BMPR1B: variants seen among roughly 807,000 people sequenced by gnomAD.
BMPR1B encodes bone morphogenetic protein receptor type 1B.
Under a neutral mutation model 59.1 loss-of-function variants are expected in BMPR1B, and 12 were observed. That is an observed-to-expected ratio of 0.20 (90% confidence interval 0.13 to 0.33). The LOEUF is 0.33. Ranked by LOEUF, BMPR1B falls within the 10% of genes least tolerant of loss-of-function variation. BMPR1B has a pLI of 1.00. For missense variants in BMPR1B, 550 were observed against 610.9 expected (o/e 0.90, Z 1.05); for synonymous variants, 237 against 207.3 (o/e 1.14, Z -1.23).
intron 2 of BMPR1B, among the ~76,000 whole-genome samples, chr4:94,974,673 C>T (rs546082865): frequency 3.6e-4 from 54 of 151,934 alleles, no homozygotes; most frequent in South Asian, 1.2e-3. Flanking sequence ...TCTTTTTTTT[C>T]GCTAATTAGG....
intron 2 of BMPR1B, among the ~76,000 whole-genome samples, chr4:94,970,820 A>G (rs943637045): frequency 3.9e-5 from 6 of 152,176 alleles, no homozygotes; most frequent in African/African-American, 1.4e-4. Context: ...GCTATTATGA[A>G]ATATGCGATG....
intron 1 of BMPR1B, among the ~76,000 whole-genome samples, chr4:94,803,250 T>C (rs1403611998): frequency 6.6e-6 from 1 of 152,196 alleles, no homozygotes; most frequent in East Asian, 1.9e-4. Flanking sequence ...TTTATGGCAG[T>C]GATTTCCCTC....
chr4:94,997,399 C>T (rs545552065), intron 3 of BMPR1B, among the ~76,000 whole-genome samples: 130 of 152,226 alleles, frequency 8.5e-4, no homozygotes, highest in Non-Finnish European at 1.2e-3. Context: ...TAAGCCAGAT[C>T]TAAAACAACA....
At chr4:94,764,823 T>G (rs1231665595) in intron 1 of BMPR1B, among the ~76,000 whole-genome samples, 1 of 152,192 alleles carries the variant, frequency 6.6e-6, no homozygotes, top group Non-Finnish European at 1.5e-5. Context: ...TCTTTATAGA[T>G]TCACTGTTTA....
chr4:94,964,844 T>C (rs1376115887), intron 2 of BMPR1B, among the ~76,000 whole-genome samples: 1 of 152,154 alleles, frequency 6.6e-6, no homozygotes, highest in East Asian at 1.9e-4. Context: ...ACGCTTTCAG[T>C]GTTCCCTTCT....
At chr4:95,123,766 A>T in intron 6 of BMPR1B, 44 bp from the exon 7 acceptor site, 1 of 1,440,858 alleles carries the variant, frequency 6.9e-7, no homozygotes. Flanking sequence ...ATTTTTAAGT[A>T]AAAATATTCT....
chr4:94,831,312 A>G (rs1308379177), intron 1 of BMPR1B, among the ~76,000 whole-genome samples: 2 of 152,178 alleles, frequency 1.3e-5, no homozygotes, highest in African/African-American at 2.4e-5. Context: ...TAGCTGTACA[A>G]TGTGTTTGTG....
chr4:95,116,423 A>G (rs11730246), intron 6 of BMPR1B, among the ~76,000 whole-genome samples: 689 of 61,752 alleles, frequency 0.011, 2 homozygotes, highest in Middle Eastern at 0.039. Context: ...CAGCGCGCGC[A>G]CACACACACA....
chr4:94,943,144 T>A (rs1267042529), intron 2 of BMPR1B, among the ~76,000 whole-genome samples: 1 of 137,510 alleles, frequency 7.3e-6, no homozygotes, highest in Non-Finnish European at 1.6e-5. Context: ...CCACTCACTA[T>A]TTTTTTTTTT....
At position 95,091,396 on chromosome 4, in the gene BMPR1B, C is replaced by G. The variant is rs187667659; in HGVS notation, c.-17-13012C>G. ...TCATTGCTTGACCGGAATAATGTCT[C>G]TTGCCAGCTTATAATCAAAGGGACT... is the stretch of plus-strand genomic sequence containing the variant. On this transcript the variant is annotated intron_variant, in intron 3 of 12. Transcript: ENST00000515059. 5 of 913,288 alleles carry G rather than the reference C, an allele frequency of 5.5e-6. No individual in the cohort carries two copies. In the African/African-American group the frequency reaches 9.0e-5, roughly 16 times the overall value. 56.6% of individuals were successfully genotyped at this position (913,288 alleles called of 1,614,324 possible). A position where few individuals can be genotyped will look rare whatever the true frequency, so the allele number is the denominator to read the frequency against.
At chr4:95,020,212 T>C (rs1273640283) in intron 3 of BMPR1B, among the ~76,000 whole-genome samples, 10 of 152,158 alleles carry the variant, frequency 6.6e-5, no homozygotes, top group Non-Finnish European at 1.5e-5. Flanking sequence ...TAGGTAGGGA[T>C]GCCACCAGGA....
chr4:94,878,896 T>G (rs1360853909), intron 2 of BMPR1B, among the ~76,000 whole-genome samples: 1 of 152,190 alleles, frequency 6.6e-6, no homozygotes, highest in African/African-American at 2.4e-5. Context: ...GCTCTTTGAC[T>G]CATTTATATC....
chr4:94,834,342 GCTTATCTTC>G (rs756485162), intron 1 of BMPR1B, among the ~76,000 whole-genome samples: 1 of 152,064 alleles, frequency 6.6e-6, no homozygotes, highest in East Asian at 1.9e-4. Context: ...TTCGTGATAT[GCTTATCTTC>G]CTTATCTTCC....
rs1265488410 is a variant in BMPR1B, at chr4:94,899,246, C to T, written c.-113+23346C>T. On this transcript the variant is annotated intron_variant, in intron 2 of 12. Transcript: ENST00000515059. ...ATGTGGATAATCTAGGATAGTCTTC[C>T]CACCACAAAATCCTTAATCTAATCA... 2.0e-5 allele frequency among the ~76,000 whole-genome samples: 3 copies of T among 151,968 alleles called. No individual in the cohort carries two copies. The East Asian group carries it at 5.8e-4, about 30-fold the overall frequency.
intron 4 of BMPR1B, 47 bp downstream of exon 4, chr4:95,104,614 C>T: frequency 6.2e-7 from 1 of 1,603,772 alleles, no homozygotes; most frequent in African/African-American, 1.3e-5. Context: ...AAAAGTCACA[C>T]TTTTTCAACT....
chr4:94,926,049 C>T (rs1462064460), intron 2 of BMPR1B, among the ~76,000 whole-genome samples: 3 of 80,312 alleles, frequency 3.7e-5, no homozygotes, highest in African/African-American at 1.3e-4. Flanking sequence ...CTCCCTCCTA[C>T]CCTCCCTCCC....
chr4:95,042,108 G>A (rs548857250), intron 3 of BMPR1B, among the ~76,000 whole-genome samples: 143 of 152,144 alleles, frequency 9.4e-4, no homozygotes, highest in African/African-American at 3.3e-3. Flanking sequence ...CACCCGCCTC[G>A]GCCTCCCAAA....
chr4:94,852,737 A>G (rs1174580060), intron 1 of BMPR1B, among the ~76,000 whole-genome samples: 1 of 152,194 alleles, frequency 6.6e-6, no homozygotes, highest in East Asian at 1.9e-4. Context: ...CAGAGCAACT[A>G]CTAGACTATA....
At chr4:95,018,502 A>G (rs1723743838) in intron 3 of BMPR1B, among the ~76,000 whole-genome samples, 1 of 152,146 alleles carries the variant, frequency 6.6e-6, no homozygotes, top group Non-Finnish European at 1.5e-5. Context: ...ACAGTACTCT[A>G]GTTGTTTCCC....
Sources: gnomAD v4.1 joint callset for allele counts (sites outside exome capture counted in the v4.1 genomes callset) on GRCh38, gnomAD v4.1.1 for gene constraint, MANE v1.5 for transcripts, NCBI Gene and HGNC (gene_info 2026-07-23, HGNC 2026-07-21) for gene names.